Variants in METTL25 observed in about 807,000 individuals in gnomAD.
METTL25 encodes the protein probable methyltransferase-like protein 25.
A neutral mutation model predicts 71.6 loss-of-function variants in METTL25; 64 were observed. The observed-to-expected ratio is 0.89, with a 90% CI of 0.73 to 1.10. The LOEUF (loss-of-function observed/expected upper bound fraction) is 1.10, where lower values mean the gene tolerates loss of function less well. Among genes scored for constraint, METTL25 ranks in the 50% least tolerant of loss-of-function variants. The pLI is 0.00. For synonymous variants in METTL25, 287 were observed against 250.3 expected, an observed-to-expected ratio of 1.15 and a Z score of -1.38; for missense variants, 807 against 707.0, an observed-to-expected ratio of 1.14 and a Z score of -1.60.
Position 82,398,992 on chromosome 12 carries a change from AAAAG to A in METTL25, c.734_737del (p.Glu245GlyfsTer40). 1 of 1,609,026 alleles carries A rather than the reference AAAAG, an allele frequency of 6.2e-7. No homozygotes were observed. Among genetic ancestry groups the A allele is most frequent in the Non-Finnish European group, 8.5e-7 (1 of 1,177,870 alleles). On this transcript the variant is annotated frameshift_variant, in exon 4 of 12. Coordinates refer to ENST00000248306, the MANE Select transcript of METTL25 (RefSeq NM_032230.3). LOFTEE classifies it high-confidence loss of function. ...TCAATGGACTAGCATTAAAAATGGC[AAAAG>A]AAAGGAAAGTGCAAAATAAAGTTAA...
chr12:82,387,095 A>G (rs1467469815), intron 2 of METTL25, 128 bp downstream of exon 2: 2 of 725,108 alleles, frequency 2.8e-6, no homozygotes, highest in African/African-American at 3.5e-5. Flanking sequence ...GCCCTGACAA[A>G]TTAACTATTG....
In METTL25 at chr12:82,423,012, C is replaced by T. The variant is rs1251369671; in HGVS notation, c.1280-7881C>T. Among the ~76,000 whole-genome samples the T allele has an allele frequency of 2.6e-5, 4 of 152,290 alleles. 1 individual carries two copies. The highest frequency in any genetic ancestry group is 7.2e-5 in the African/African-American group (3 of 41,558). Reference sequence around the variant, plus strand: ...ATTCATTGCCATCCCCATCAAACTACCAATGACTTTCTCCACGGAATTGGA... The same window carrying T: ...ATTCATTGCCATCCCCATCAAACTATCAATGACTTTCTCCACGGAATTGGA... On this transcript the variant is annotated intron_variant, in intron 5 of 11. Transcript: ENST00000248306.
At chr12:82,471,812 C>T (rs1892586223) in intron 9 of METTL25, among the ~76,000 whole-genome samples, 1 of 152,140 alleles carries the variant, frequency 6.6e-6, no homozygotes, top group Non-Finnish European at 1.5e-5. Context: ...CATTAGTTCT[C>T]AGTAAATCAT....
chr12:82,451,988 A>C (rs1159337897), intron 8 of METTL25, among the ~76,000 whole-genome samples: 1 of 152,080 alleles, frequency 6.6e-6, no homozygotes, highest in Non-Finnish European at 1.5e-5. Flanking sequence ...TAATGACAGA[A>C]GTTTCTGTGC....
At position 82,441,668 on chromosome 12, in the gene METTL25, G is replaced by C. The variant is rs1349188541; in HGVS notation, c.1478+2877G>C. Among the ~76,000 whole-genome samples the C allele has an allele frequency of 2.0e-5, 3 of 150,718 alleles. No homozygotes were observed. In the East Asian group the frequency reaches 5.9e-4, roughly 29 times the overall value. ...AGAGCCCAGGATTGGAGTTGAAAAA[G>C]GTAGTAATCTAGAACCACCAATAGG... On this transcript the variant is annotated intron_variant, in intron 8 of 11. Coordinates refer to ENST00000248306, the MANE Select transcript of METTL25 (RefSeq NM_032230.3).
chr12:82,412,951 A>G (rs903196615), intron 5 of METTL25, among the ~76,000 whole-genome samples: 3 of 152,120 alleles, frequency 2.0e-5, no homozygotes, highest in East Asian at 1.9e-4. Flanking sequence ...TAATTTTAAC[A>G]TAAAATTTTA....
At chr12:82,391,351 T>C (rs1885560399) in intron 3 of METTL25, among the ~76,000 whole-genome samples, 1 of 152,022 alleles carries the variant, frequency 6.6e-6, no homozygotes, top group African/African-American at 2.4e-5. Context: ...TCCTATGGGG[T>C]TGGTTTTACA....
At chr12:82,459,023 C>T (rs1891682536) in intron 9 of METTL25, among the ~76,000 whole-genome samples, 1 of 152,116 alleles carries the variant, frequency 6.6e-6, no homozygotes, top group South Asian at 2.1e-4. Context: ...CACACCTTGC[C>T]ATCATATCAC....
In METTL25 at chr12:82,358,602, C is replaced by T. The variant is rs780094088; in HGVS notation, c.37C>T (p.Leu13=). The change falls in exon 1 of 12, where the codon CTG becomes TTG. Residue 13 remains leucine, a synonymous_variant. Transcript: ENST00000248306. The stretch of plus-strand genomic sequence containing the variant: ...TTGCCCTCTCCCGGTGACCCCGGAC[C>T]TGCCCACGCTGCGTGCCAAGTTGCA... ...ASCPLPVTPD[L]PTLRAKLQGL... The T allele has an allele frequency of 1.9e-6, 3 of 1,613,356 alleles. No homozygotes were observed. Among genetic ancestry groups the T allele is most frequent in the Admixed American group, 1.7e-5 (1 of 60,034 alleles).
At position 82,398,963 on chromosome 12, in the gene METTL25, G is replaced by A; in HGVS notation, c.700G>A (p.Asp234Asn). ...ACTCTGTCATGCTCAGTCAAGATTAGATGTCAATGGACTAGCATTAAAAAT... is the reference window on the plus strand; with the variant it reads ...ACTCTGTCATGCTCAGTCAAGATTAAATGTCAATGGACTAGCATTAAAAAT... ...WKLCHAQSRLDVNGLALKMAK... is the reference protein window; with the variant it reads ...WKLCHAQSRLNVNGLALKMAK... The change falls in exon 4 of 12, where the codon GAT becomes AAT. Residue 234 changes from aspartate (D) to asparagine (N), a missense_variant. Coordinates refer to ENST00000248306, the MANE Select transcript of METTL25 (RefSeq NM_032230.3). The A allele has an allele frequency of 6.2e-7, 1 of 1,609,992 alleles. No homozygotes were observed. The highest frequency in any genetic ancestry group is 8.5e-7 in the Non-Finnish European group (1 of 1,178,304).
intron 1 of METTL25, 34 bp downstream of exon 1, chr12:82,358,858 G>A (rs1156417307): frequency 1.3e-6 from 2 of 1,566,354 alleles, no homozygotes; most frequent in African/African-American, 1.4e-5. Flanking sequence ...GGGAAGGGAG[G>A]CGGAGGAGAA....
At chr12:82,364,123 TG>T (rs1882285198) in intron 1 of METTL25, among the ~76,000 whole-genome samples, 1 of 152,226 alleles carries the variant, frequency 6.6e-6, no homozygotes, top group South Asian at 2.1e-4. Flanking sequence ...TCAGTTTTTG[TG>T]GGTCAGGAAT....
intron 1 of METTL25, 81 bp downstream of exon 1, chr12:82,358,905 CA>C: frequency 4.6e-6 from 7 of 1,508,130 alleles, no homozygotes; most frequent in Non-Finnish European, 6.3e-6. Flanking sequence ...TGGTGGAAGC[CA>C]GCAGAACCAG....
At position 82,358,532 on chromosome 12, in the gene METTL25, T is replaced by C; in HGVS notation, c.-34T>C. On this transcript the variant is annotated 5_prime_UTR_variant, in exon 1 of 12. Coordinates refer to ENST00000248306, the MANE Select transcript of METTL25 (RefSeq NM_032230.3). The stretch of plus-strand genomic sequence containing the variant: ...GCCGAGCTGGCGCCTCACGGCCATG[T>C]TTGCGCCACCTACAGCCTCGGAGGG... 1 of 1,602,316 alleles carries C rather than the reference T, an allele frequency of 6.2e-7. No individual in the cohort carries two copies. The highest frequency in any genetic ancestry group is 8.5e-7 in the Non-Finnish European group (1 of 1,176,162).
At chr12:82,378,449 T>G (rs1265118121) in intron 1 of METTL25, among the ~76,000 whole-genome samples, 2 of 152,190 alleles carry the variant, frequency 1.3e-5, no homozygotes, top group African/African-American at 2.4e-5. Flanking sequence ...TGCAAAGACC[T>G]TTCACTTCTT....
intron 8 of METTL25, 121 bp downstream of exon 8, chr12:82,438,912 A>G (rs555001252): frequency 1.0e-5 from 8 of 765,464 alleles, no homozygotes; most frequent in Middle Eastern, 4.3e-4. Flanking sequence ...GAATTTGAGC[A>G]TAATGTCAAT....
chr12:82,418,103 ATAGT>A (rs919115536), intron 5 of METTL25, among the ~76,000 whole-genome samples: 2 of 152,190 alleles, frequency 1.3e-5, no homozygotes, highest in African/African-American at 4.8e-5. Context: ...TTTGCAAGAG[ATAGT>A]TAAATTCTGA....
Position 82,399,323 on chromosome 12 carries a change from A to G in METTL25, c.1060A>G (p.Asn354Asp). 1 of 1,611,414 alleles carries G rather than the reference A, an allele frequency of 6.2e-7. No individual in the cohort carries two copies. Among genetic ancestry groups the G allele is most frequent in the Non-Finnish European group, 8.5e-7 (1 of 1,178,434 alleles). The change falls in exon 4 of 12, where the codon AAT (asparagine) becomes GAT (aspartate). Residue 354 changes from asparagine (N) to aspartate (D), a missense_variant. Coordinates refer to ENST00000248306, the MANE Select transcript of METTL25 (RefSeq NM_032230.3). ...AATGACATCAAAGTCAAGTGAATCA[A>G]ATATATATTCACCTTTAACCTCTTT... is the stretch of plus-strand genomic sequence containing the variant. The part of the protein sequence containing the change: ...RKMTSKSSES[N>D]IYSPLTSFIT...
At chr12:82,465,608 T>C (rs1355274612) in intron 9 of METTL25, among the ~76,000 whole-genome samples, 1 of 151,938 alleles carries the variant, frequency 6.6e-6, no homozygotes, top group African/African-American at 2.4e-5. Context: ...AGCGTTATGC[T>C]GACCTCGTAT....
Sources: gnomAD v4.1 joint callset for allele counts (sites outside exome capture counted in the v4.1 genomes callset) on GRCh38, gnomAD v4.1.1 for gene constraint, MANE v1.5 for transcripts, NCBI Gene and HGNC (gene_info 2026-07-23, HGNC 2026-07-21) for gene names.